Variants in RAB22A observed in about 807,000 individuals in gnomAD.
RAB22A encodes ras-related protein Rab-22A.
In RAB22A, 13 loss-of-function variants were observed where a neutral mutation model predicts 30.2. The ratio of observed to expected loss-of-function variants is 0.43; its 90% CI spans 0.28 to 0.68. The LOEUF (loss-of-function observed/expected upper bound fraction) is 0.68, where lower values mean the gene tolerates loss of function less well. Among genes scored for constraint, RAB22A ranks in the 30% least tolerant of loss-of-function variants. The pLI, the probability that RAB22A is intolerant of heterozygous loss-of-function variation, is 0.18. For synonymous variants in RAB22A, 89 were observed against 87.2 expected (o/e 1.02, Z -0.11); for missense variants, 177 against 246.8 (o/e 0.72, Z 1.89).
intron 2 of RAB22A, among the ~76,000 whole-genome samples, chr20:58,312,559 G>T (rs1166397355): frequency 3.1e-5 from 4 of 129,012 alleles, no homozygotes; most frequent in African/African-American, 1.2e-4. Context: ...CGCGATCTTG[G>T]CTCACTGCAA....
rs1439002967 is a variant in RAB22A, at chr20:58,366,976, G to A, written c.*7273G>A. On this transcript the variant is annotated 3_prime_UTR_variant, in exon 7 of 7. Coordinates refer to ENST00000244040, the MANE Select transcript of RAB22A (RefSeq NM_020673.3). ...TCTCTCTTTCTCCTAAGAATGTCATGCCTTCTCAAGACCTGATGAAAGGAA... is the reference window on the plus strand; with the variant it reads ...TCTCTCTTTCTCCTAAGAATGTCATACCTTCTCAAGACCTGATGAAAGGAA... 1 of 152,344 alleles carries A rather than the reference G, an allele frequency of 6.6e-6. No homozygotes were observed. Among genetic ancestry groups the A allele is most frequent in the East Asian group, 1.9e-4 (1 of 5,196 alleles). The allele number at this position is 152,344 out of a possible 1,614,324, so 9.4% of individuals were successfully genotyped here.
intron 2 of RAB22A, among the ~76,000 whole-genome samples, chr20:58,314,954 C>G (rs924301959): frequency 2.0e-5 from 3 of 152,024 alleles, no homozygotes; most frequent in African/African-American, 7.2e-5. Context: ...CAGCAAGGAC[C>G]GTGAGGCGGG....
At chr20:58,314,556 G>A (rs1986297850) in intron 2 of RAB22A, among the ~76,000 whole-genome samples, 1 of 152,130 alleles carries the variant, frequency 6.6e-6, no homozygotes, top group African/African-American at 2.4e-5. Flanking sequence ...AAGAATCAAA[G>A]TTGGCTGTGC....
intron 2 of RAB22A, among the ~76,000 whole-genome samples, chr20:58,328,567 G>A (rs544607857): frequency 7.2e-5 from 11 of 151,986 alleles, no homozygotes; most frequent in Admixed American, 2.6e-4. Context: ...ATTTCCCGCC[G>A]CCCCCCACAA....
chr20:58,352,686 G>A (rs1480719732), intron 3 of RAB22A, among the ~76,000 whole-genome samples: 1 of 152,244 alleles, frequency 6.6e-6, no homozygotes, highest in Admixed American at 6.5e-5. Flanking sequence ...TGAGTGGGAA[G>A]AAGCTGTGTA....
intron 2 of RAB22A, among the ~76,000 whole-genome samples, chr20:58,333,211 C>T (rs1237214700): frequency 5.3e-5 from 8 of 151,628 alleles, no homozygotes; most frequent in African/African-American, 1.9e-4. Context: ...ACCCAGGAGG[C>T]GGAGGTTGCA....
intron 6 of RAB22A, among the ~76,000 whole-genome samples, chr20:58,358,295 C>G (rs932807602): frequency 5.3e-5 from 8 of 152,158 alleles, no homozygotes; most frequent in African/African-American, 1.9e-4. Context: ...AGTGGCACAG[C>G]CTCTTCAGAG....
At chr20:58,331,417 A>C (rs1215099452) in intron 2 of RAB22A, among the ~76,000 whole-genome samples, 1 of 152,222 alleles carries the variant, frequency 6.6e-6, no homozygotes, top group Non-Finnish European at 1.5e-5. Flanking sequence ...TGAAATGACC[A>C]CAGACAGCTG....
At chr20:58,317,259 G>A (rs914017083) in intron 2 of RAB22A, among the ~76,000 whole-genome samples, 1 of 152,050 alleles carries the variant, frequency 6.6e-6, no homozygotes, top group African/African-American at 2.4e-5. Context: ...ACCACGTCCA[G>A]CTAATTTTTG....
At chr20:58,336,289 G>A (rs1986751702) in intron 2 of RAB22A, among the ~76,000 whole-genome samples, 1 of 152,132 alleles carries the variant, frequency 6.6e-6, no homozygotes, top group South Asian at 2.1e-4. Context: ...TGGGATTACG[G>A]GTATGAGCCA....
chr20:58,330,975 C>A (rs533141163), intron 2 of RAB22A, among the ~76,000 whole-genome samples: 1 of 152,192 alleles, frequency 6.6e-6, no homozygotes, highest in Non-Finnish European at 1.5e-5. Flanking sequence ...AACATCCCCT[C>A]TCTATTTCCA....
At chr20:58,354,483 TAA>T (rs1378493304) in intron 6 of RAB22A, among the ~76,000 whole-genome samples, 1 of 152,110 alleles carries the variant, frequency 6.6e-6, no homozygotes, top group Non-Finnish European at 1.5e-5. Context: ...TGCTACTGAA[TAA>T]ATAATGCACA....
At position 58,357,793 on chromosome 20, in the gene RAB22A, T is replaced by C. The variant is rs79959382; in HGVS notation, c.488-1813T>C. On this transcript the variant is annotated intron_variant, in intron 6 of 6. Transcript: ENST00000244040. ...CTTTCTCAATGTAGAAACCATGCTG[T>C]GTACTCCCCACACAGATCCGCAGAC... is the stretch of plus-strand genomic sequence containing the variant. Among the ~76,000 whole-genome samples, 202 of 152,350 alleles carry C rather than the reference T, an allele frequency of 1.3e-3. 1 individual carries two copies. Among genetic ancestry groups the C allele is most frequent in the African/African-American group, 4.6e-3 (192 of 41,568 alleles).
At chr20:58,314,000 A>G (rs1305687347) in intron 2 of RAB22A, among the ~76,000 whole-genome samples, 1 of 151,888 alleles carries the variant, frequency 6.6e-6, no homozygotes, top group African/African-American at 2.4e-5. Flanking sequence ...CGTAGACCTT[A>G]CCTACAAGAA....
intron 2 of RAB22A, among the ~76,000 whole-genome samples, chr20:58,319,938 C>A (rs1331835741): frequency 6.6e-6 from 1 of 152,124 alleles, no homozygotes; most frequent in Non-Finnish European, 1.5e-5. Context: ...GAGTTTAATA[C>A]TGAAATATTA....
At chr20:58,334,362 A>G (rs1162289617) in intron 2 of RAB22A, among the ~76,000 whole-genome samples, 1 of 152,078 alleles carries the variant, frequency 6.6e-6, no homozygotes, top group Non-Finnish European at 1.5e-5. Context: ...CTTTTTTTTA[A>G]GAAGCTGAAT....
Position 58,367,331 on chromosome 20 carries a change from CT to C in RAB22A, c.*7629del. ...TGTTGTAAGATTTTTGTTTTCATGC[CT>C]ATGCTCATAGTAGATAGTTTGCAAA... On this transcript the variant is annotated 3_prime_UTR_variant, in exon 7 of 7. Transcript: ENST00000244040. The C allele has an allele frequency of 6.6e-6, 1 of 152,462 alleles. No homozygotes were observed. 9.4% of individuals were successfully genotyped at this position (152,462 alleles called of 1,614,324 possible).
intron 2 of RAB22A, among the ~76,000 whole-genome samples, chr20:58,316,188 A>G (rs919651393): frequency 2.0e-5 from 3 of 152,168 alleles, no homozygotes; most frequent in African/African-American, 7.2e-5. Context: ...CAAAGAATGT[A>G]AATGGGAGAT....
Position 58,341,995 on chromosome 20 carries a change from A to C in RAB22A, c.117-1723A>C, listed in dbSNP as rs1986861947. 3.9e-5 allele frequency among the ~76,000 whole-genome samples: 6 copies of C among 152,344 alleles called. No homozygotes were observed. In the South Asian group the frequency reaches 1.2e-3, roughly 32 times the overall value. On this transcript the variant is annotated intron_variant, in intron 2 of 6. Coordinates refer to ENST00000244040, the MANE Select transcript of RAB22A (RefSeq NM_020673.3). ...CTTTTAGGACTAATTGCAAAGTCTA[A>C]ACTAAAACATTTCCTGGAGCTGCCT...
Sources: allele counts gnomAD v4.1 joint callset (sites outside exome capture counted in the v4.1 genomes callset), GRCh38; gene constraint gnomAD v4.1.1; transcripts MANE v1.5; gene names NCBI Gene and HGNC (gene_info 2026-07-23, HGNC 2026-07-21).